Variants in PDE11A observed in about 807,000 individuals in gnomAD.
The protein encoded by PDE11A is dual 3',5'-cyclic-AMP and -GMP phosphodiesterase 11A.
Under a neutral mutation model 100.5 loss-of-function variants are expected in PDE11A, and 100 were observed. That is an observed-to-expected ratio of 1.00 (90% confidence interval 0.85 to 1.18). PDE11A has a LOEUF of 1.18. Among genes scored for constraint, PDE11A ranks in the 50% most tolerant of loss-of-function variants. PDE11A has a pLI of 0.00. For synonymous variants in PDE11A, 381 were observed against 420.8 expected, an observed-to-expected ratio of 0.91 and a Z score of 1.16; for missense variants, 1,141 against 1,152.6, an observed-to-expected ratio of 0.99 and a Z score of 0.15.
intron 12 of PDE11A, 129 bp downstream of exon 12, chr2:177,727,529 C>A (rs976128770): frequency 1.4e-6 from 1 of 728,248 alleles, no homozygotes; most frequent in South Asian, 1.5e-5. Flanking sequence ...ACTTTCATAA[C>A]CAGGGTAGGT....
chr2:177,666,813 T>C (rs2080594685), intron 18 of PDE11A, among the ~76,000 whole-genome samples: 1 of 152,080 alleles, frequency 6.6e-6, no homozygotes, highest in Admixed American at 6.5e-5. Flanking sequence ...AAAAGATATA[T>C]GATTTGCAAA....
intron 7 of PDE11A, among the ~76,000 whole-genome samples, chr2:177,818,305 A>ATG (rs1558953672): frequency 1.0e-5 from 1 of 99,564 alleles, no homozygotes; most frequent in Non-Finnish European, 2.0e-5. Context: ...ATATATATAT[A>ATG]TGTGTGTATA....
At chr2:177,811,689 G>T (rs58442170) in intron 9 of PDE11A, among the ~76,000 whole-genome samples, 16,941 of 151,656 alleles carry the variant, frequency 0.11, 1,080 homozygotes, top group African/African-American at 0.19. Flanking sequence ...TGTCCTTGGA[G>T]ATGTCTAGCT....
Position 177,629,182 on chromosome 2 carries a change from A to G in PDE11A, c.*225T>C. ...CAGCCCATGCGTGTTCATTAGGGAA[A>G]AGTGAGGGTCCTGGGGTGTGCTCCC... On this transcript the variant is annotated 3_prime_UTR_variant, in exon 20 of 20. Coordinates refer to ENST00000286063, the MANE Select transcript of PDE11A (RefSeq NM_016953.4). 3 of 574,404 alleles carry G rather than the reference A, an allele frequency of 5.2e-6. No individual in the cohort carries two copies. The highest frequency in any genetic ancestry group is 6.2e-6 in the Non-Finnish European group (2 of 321,034). The allele number at this position is 574,404 out of a possible 1,614,324, so 35.6% of individuals were successfully genotyped here. A position where few individuals can be genotyped will look rare whatever the true frequency, so the allele number is the denominator to read the frequency against.
At chr2:177,986,352 G>A (rs550899820) in intron 2 of PDE11A, among the ~76,000 whole-genome samples, 3 of 152,176 alleles carry the variant, frequency 2.0e-5, no homozygotes, top group Admixed American at 6.5e-5. Context: ...CTAGCAGCAG[G>A]GTCAAAGCCT....
At chr2:177,935,122 G>C (rs1236100124) in intron 2 of PDE11A, among the ~76,000 whole-genome samples, 1 of 152,090 alleles carries the variant, frequency 6.6e-6, no homozygotes, top group Non-Finnish European at 1.5e-5. Context: ...CAAAAAAAAA[G>C]ATATTGATAA....
intron 2 of PDE11A, among the ~76,000 whole-genome samples, chr2:178,094,219 C>A (rs1351050627): frequency 1.3e-5 from 2 of 151,818 alleles, no homozygotes; most frequent in African/African-American, 2.4e-5. Flanking sequence ...ATACACACAG[C>A]AGAAAGGAAT....
At chr2:177,829,183 G>A (rs767722025) in intron 6 of PDE11A, among the ~76,000 whole-genome samples, 2 of 152,114 alleles carry the variant, frequency 1.3e-5, no homozygotes, top group Non-Finnish European at 2.9e-5. Context: ...GAAACAGAGA[G>A]AGGAGCAGGC....
intron 12 of PDE11A, 113 bp from the exon 13 acceptor site, chr2:177,711,991 G>A (rs2081365832): frequency 1.5e-6 from 1 of 660,664 alleles, no homozygotes; most frequent in Non-Finnish European, 2.8e-6. Flanking sequence ...TTAAGGAGAT[G>A]ATTAACTGCC....
rs529118850 is a variant in PDE11A, at chr2:177,924,809, A to G, written c.1072-19622T>C. On this transcript the variant is annotated intron_variant, in intron 2 of 19. Transcript: ENST00000286063. ...TTAGTTACATATGTATACATGTGCC[A>G]TGCTGGTGTGCTGCACCCACTAACT... is the stretch of plus-strand genomic sequence containing the variant. Among the ~76,000 whole-genome samples the G allele has an allele frequency of 1.0e-3, 151 of 148,388 alleles. 1 individual carries two copies. Among genetic ancestry groups the G allele is most frequent in the African/African-American group, 3.5e-3 (139 of 40,042 alleles).
At chr2:177,853,772 ATC>A (rs147695134) in intron 5 of PDE11A, among the ~76,000 whole-genome samples, 4 of 136,200 alleles carry the variant, frequency 2.9e-5, no homozygotes, top group Admixed American at 7.8e-5. Flanking sequence ...ATGTATATAT[ATC>A]TATATATGTG....
Position 177,783,760 on chromosome 2 carries a change from C to G in PDE11A, c.1738-14387G>C, listed in dbSNP as rs534919205. ...TTCAGACAAAAGGGTACTGGTTTTC[C>G]AGCCTATTCACTTAGATTTCAAATG... On this transcript the variant is annotated intron_variant, in intron 9 of 19. Transcript: ENST00000286063. 5.9e-5 allele frequency among the ~76,000 whole-genome samples: 9 copies of G among 152,302 alleles called. No individual in the cohort carries two copies. In the East Asian group the frequency reaches 1.7e-3, roughly 29 times the overall value.
intron 2 of PDE11A, among the ~76,000 whole-genome samples, chr2:177,923,273 A>T (rs2085078732): frequency 6.6e-6 from 1 of 151,914 alleles, no homozygotes; most frequent in Non-Finnish European, 1.5e-5. Flanking sequence ...AGGTGAGAGG[A>T]TCACTTGAGC....
intron 10 of PDE11A, among the ~76,000 whole-genome samples, chr2:177,741,410 G>A (rs1053090756): frequency 1.3e-5 from 2 of 152,278 alleles, no homozygotes; most frequent in African/African-American, 2.4e-5. Flanking sequence ...ATACAGTCAC[G>A]TTCTAAGGTA....
At chr2:177,659,093 T>C (rs538928972) in intron 19 of PDE11A, among the ~76,000 whole-genome samples, 1 of 151,968 alleles carries the variant, frequency 6.6e-6, no homozygotes, top group South Asian at 2.1e-4. Context: ...ACCCCATCTC[T>C]ACGAAAAATA....
intron 19 of PDE11A, among the ~76,000 whole-genome samples, chr2:177,657,244 G>T (rs1162217879): frequency 6.6e-6 from 1 of 152,068 alleles, no homozygotes; most frequent in Non-Finnish European, 1.5e-5. Context: ...ACTCAGATTT[G>T]GGTACATTAT....
At chr2:177,860,160 C>G (rs1196111275) in intron 5 of PDE11A, among the ~76,000 whole-genome samples, 1 of 150,458 alleles carries the variant, frequency 6.6e-6, no homozygotes, top group Non-Finnish European at 1.5e-5. Flanking sequence ...TAGAGAAAAT[C>G]AACAAAACAA....
At chr2:177,849,036 G>T (rs770678356) in intron 5 of PDE11A, among the ~76,000 whole-genome samples, 4 of 152,164 alleles carry the variant, frequency 2.6e-5, no homozygotes, top group Non-Finnish European at 5.9e-5. Context: ...GTCTTCATTA[G>T]AAACTCTCAA....
intron 6 of PDE11A, 145 bp downstream of exon 6, chr2:177,840,106 G>T: frequency 1.3e-6 from 1 of 789,052 alleles, no homozygotes; most frequent in Non-Finnish European, 2.1e-6. Context: ...TTCTAACTTA[G>T]AGTCAACAGT....
Sources: allele counts gnomAD v4.1 joint callset (sites outside exome capture counted in the v4.1 genomes callset), GRCh38; gene constraint gnomAD v4.1.1; transcripts MANE v1.5; gene names NCBI Gene and HGNC (gene_info 2026-07-23, HGNC 2026-07-21).